Variants in OVGP1 observed in about 807,000 individuals in gnomAD.
OVGP1 encodes the protein oviductal glycoprotein 1.
Under a neutral mutation model 48.2 loss-of-function variants are expected in OVGP1, and 26 were observed. The ratio of observed to expected loss-of-function variants is 0.54; its 90% CI spans 0.40 to 0.75. OVGP1 has a LOEUF of 0.75. OVGP1 is among the 30% of genes least tolerant of loss of function. OVGP1 has a pLI of 0.00. For missense variants in OVGP1, 791 were observed against 820.6 expected, an observed-to-expected ratio of 0.96 and a Z score of 0.44; for synonymous variants, 294 against 305.7, an observed-to-expected ratio of 0.96 and a Z score of 0.40.
chr1:111,423,760 C>A lies in OVGP1; in HGVS notation c.318-52G>T. 3 of 1,562,604 alleles carry A rather than the reference C, an allele frequency of 1.9e-6. No homozygotes were observed. The South Asian group carries it at 3.5e-5, about 18-fold the overall frequency. On this transcript the variant is annotated intron_variant, in intron 4 of 10. Transcript: ENST00000369732. ...AGAACTCTATCCACAGAATCACAAC[C>A]TCCTACAAGGCCCCTTGCAAGCTTG...
At chr1:111,418,826 A>C (rs1056149193) in intron 9 of OVGP1, among the ~76,000 whole-genome samples, 1 of 152,214 alleles carries the variant, frequency 6.6e-6, no homozygotes, top group Non-Finnish European at 1.5e-5. Flanking sequence ...TGAGGAGTGG[A>C]ACCATGATTT....
In OVGP1 at chr1:111,426,649, G is replaced by C. The variant is rs767419668; in HGVS notation, c.56-8C>G. The C allele has an allele frequency of 6.2e-7, 1 of 1,612,734 alleles. No homozygotes were observed. Among genetic ancestry groups the C allele is most frequent in the Non-Finnish European group, 8.5e-7 (1 of 1,179,322 alleles). On this transcript the variant is annotated splice_region_variant and splice_polypyrimidine_tract_variant and intron_variant, in intron 2 of 10. Transcript: ENST00000369732. ...CGAGTTTATGGGCAGCACCTGGTAA[G>C]GGAGAGCACACATTAGTTGGCAAAA...
At chr1:111,424,062 G>A (rs1210307156) in intron 4 of OVGP1, among the ~76,000 whole-genome samples, 1 of 152,192 alleles carries the variant, frequency 6.6e-6, no homozygotes, top group African/African-American at 2.4e-5. Context: ...GCAAGGCACT[G>A]CCCCTCTCTG....
chr1:111,423,998 G>T (rs1461559419), intron 4 of OVGP1, among the ~76,000 whole-genome samples: 2 of 152,256 alleles, frequency 1.3e-5, no homozygotes, highest in South Asian at 4.1e-4. Context: ...GCAGCCTGGG[G>T]TGTGGAGAAA....
At position 111,425,791 on chromosome 1, in the gene OVGP1, T is replaced by G. The variant is rs906286871; in HGVS notation, c.261-352A>C. On this transcript the variant is annotated intron_variant, in intron 3 of 10. Coordinates refer to ENST00000369732, the MANE Select transcript of OVGP1 (RefSeq NM_002557.4). ...TTATTGAGCAATGTCTATGTGCCAT[T>G]TACTGCTTTAGGCACTTTAGAACAA... Among the ~76,000 whole-genome samples, 5 of 152,384 alleles carry G rather than the reference T, an allele frequency of 3.3e-5. No individual in the cohort carries two copies. The South Asian group carries it at 1.0e-3, about 32-fold the overall frequency.
chr1:111,423,563 T>C lies in OVGP1; in HGVS notation c.463A>G (p.Thr155Ala). ...LRGSPMHDRW[T>A]FLFLIEELLF... The stretch of plus-strand genomic sequence containing the variant: ...CTTACTTCAATTAAGAAGAGAAAAG[T>C]CCACCGGTCATGCATGGGGCTGCCT... The change falls in exon 5 of 11, where the codon ACT becomes GCT. Residue 155 changes from threonine (T) to alanine (A), a missense_variant. Thr to Ala is a moderately conservative substitution (Grantham distance 58). Coordinates refer to ENST00000369732, the MANE Select transcript of OVGP1 (RefSeq NM_002557.4). 6.2e-7 allele frequency: 1 copy of C among 1,614,068 alleles called. No individual in the cohort carries two copies. The highest frequency in any genetic ancestry group is 8.5e-7 in the Non-Finnish European group (1 of 1,179,998).
In OVGP1 at chr1:111,418,877, C is replaced by T. The variant is rs1487721058; in HGVS notation, c.1020+733G>A. 3.3e-5 allele frequency among the ~76,000 whole-genome samples: 5 copies of T among 152,278 alleles called. No homozygotes were observed. The East Asian group carries it at 9.6e-4, about 29-fold the overall frequency. ...CTCTCAGGTGATTCCAAAACAGAGG[C>T]AGGTTTAGGAACTACTGGAGCATGT... is the stretch of plus-strand genomic sequence containing the variant. On this transcript the variant is annotated intron_variant, in intron 9 of 10. Coordinates refer to ENST00000369732, the MANE Select transcript of OVGP1 (RefSeq NM_002557.4).
At chr1:111,425,274 T>G in intron 4 of OVGP1, 109 bp downstream of exon 4, 1 of 1,239,200 alleles carries the variant, frequency 8.1e-7, no homozygotes, top group Non-Finnish European at 1.1e-6. Flanking sequence ...GGGAAGTATT[T>G]GCGCTAGCTT....
At position 111,426,589 on chromosome 1, in the gene OVGP1, T is replaced by G. The variant is rs374246543; in HGVS notation, c.108A>C (p.Pro36=). The part of the protein sequence containing the change: ...CYFTNWAHSR[P]GPASILPHDL... Reference sequence around the variant, plus strand: ...CATGGGGCAAGATCGAGGCAGGGCCTGGCCGACTGTGTGCCCAGTTGGTGA... The same window carrying G: ...CATGGGGCAAGATCGAGGCAGGGCCGGGCCGACTGTGTGCCCAGTTGGTGA... Residue 36 remains proline (P), a synonymous_variant, in exon 3 of 11, where the codon CCA becomes CCC. Coordinates refer to ENST00000369732, the MANE Select transcript of OVGP1 (RefSeq NM_002557.4). 1.2e-6 allele frequency: 2 copies of G among 1,614,100 alleles called. No homozygotes were observed. Among genetic ancestry groups the G allele is most frequent in the Admixed American group, 1.7e-5 (1 of 60,018 alleles).
Position 111,414,930 on chromosome 1 carries a change from A to G in OVGP1, c.1571T>C (p.Leu524Pro), listed in dbSNP as rs764524139. ...YQSVTPGEKT[L>P]TPVGHQSVTP... ...CACAGACTGATGACCCACAGGGGTC[A>G]GGGTCTTTTCCCCAGGGGTCACAGA... Residue 524 changes from leucine to proline, a missense_variant, in exon 11 of 11, where the codon CTG becomes CCG. Coordinates refer to ENST00000369732, the MANE Select transcript of OVGP1 (RefSeq NM_002557.4). 1 of 800,408 alleles carries G rather than the reference A, an allele frequency of 1.2e-6. No homozygotes were observed. Among genetic ancestry groups the G allele is most frequent in the Admixed American group, 2.3e-5 (1 of 42,892 alleles). The allele number at this position is 800,408 out of a possible 1,614,324, so 49.6% of individuals were successfully genotyped here.
chr1:111,425,298 G>A, intron 4 of OVGP1, 85 bp downstream of exon 4: 5 of 1,523,492 alleles, frequency 3.3e-6, no homozygotes, highest in Admixed American at 1.8e-5. Context: ...TGTCCGCATG[G>A]CCAAGCTGCC....
Position 111,423,942 on chromosome 1 carries a change from C to T in OVGP1, c.318-234G>A, listed in dbSNP as rs116310528. Among the ~76,000 whole-genome samples, 630 of 152,314 alleles carry T rather than the reference C, an allele frequency of 4.1e-3. 3 individuals carry two copies. The highest frequency in any genetic ancestry group is 0.015 in the African/African-American group (606 of 41,558). On this transcript the variant is annotated intron_variant, in intron 4 of 10. Coordinates refer to ENST00000369732, the MANE Select transcript of OVGP1 (RefSeq NM_002557.4). ...AAAGAAGTTGAAAACCATGTACTGCCCCAAGGCCAGACGGCACAGGGAACA... is the reference window on the plus strand; with the variant it reads ...AAAGAAGTTGAAAACCATGTACTGCTCCAAGGCCAGACGGCACAGGGAACA...
In OVGP1 at chr1:111,416,456, T is replaced by C. The variant is rs1652139570; in HGVS notation, c.1023A>G (p.Ala341=). 6 of 1,602,486 alleles carry C rather than the reference T, an allele frequency of 3.7e-6. No individual in the cohort carries two copies. The highest frequency in any genetic ancestry group is 5.1e-6 in the Non-Finnish European group (6 of 1,174,060). The change falls in exon 10 of 11, where the codon GCA becomes GCG. Residue 341 remains alanine, a splice_region_variant and synonymous_variant. Transcript: ENST00000369732. ...CAAAATGCTCTCGCCTTATAAACCA[T>C]GCCTGTAAAAGTAACAGTCAGTCAA... The part of the protein sequence containing the change: ...YDNAISFSYK[A]WFIRREHFGG...
At chr1:111,419,423 G>C (rs1367583785) in intron 9 of OVGP1, among the ~76,000 whole-genome samples, 187 bp downstream of exon 9, 1 of 152,174 alleles carries the variant, frequency 6.6e-6, no homozygotes, top group East Asian at 1.9e-4. Flanking sequence ...TCAGAATAGA[G>C]ACTTGGAACA....
intron 9 of OVGP1, among the ~76,000 whole-genome samples, chr1:111,418,434 C>A (rs1652184768): frequency 6.6e-6 from 1 of 152,156 alleles, no homozygotes; most frequent in African/African-American, 2.4e-5. Flanking sequence ...CTCTCTCCGC[C>A]CCAGCAGGCC....
Position 111,414,491 on chromosome 1 carries a change from T to G in OVGP1, c.2010A>C (p.Glu670Asp). The change falls in exon 11 of 11, where the codon GAA (glutamate) becomes GAC (aspartate). Residue 670 changes from glutamate to aspartate, a missense_variant. Transcript: ENST00000369732. ...AGGCTTCTTCATCCACAGCAGAGTT[T>G]TCTGGGATTTCTTTTTTTAGAGAAA... ...SPLSLKKEIP[E>D]NSAVDEEA 6.2e-7 allele frequency: 1 copy of G among 1,613,226 alleles called. No homozygotes were observed. The highest frequency in any genetic ancestry group is 8.5e-7 in the Non-Finnish European group (1 of 1,179,478).
intron 2 of OVGP1, 48 bp downstream of exon 2, chr1:111,427,014 A>G (rs1652416685): frequency 6.2e-7 from 1 of 1,613,662 alleles, no homozygotes; most frequent in Non-Finnish European, 8.5e-7. Context: ...AGGACTTCTC[A>G]GCCAGAGACT....
chr1:111,426,309 A>T (rs1488303791), intron 3 of OVGP1, 128 bp downstream of exon 3: 1 of 1,313,424 alleles, frequency 7.6e-7, no homozygotes, highest in Non-Finnish European at 1.0e-6. Context: ...GGTGCTCTGG[A>T]CCCCTATTTG....
At chr1:111,426,691 G>A in intron 2 of OVGP1, 50 bp from the exon 3 acceptor site, 2 of 1,585,252 alleles carry the variant, frequency 1.3e-6, no homozygotes, top group Non-Finnish European at 1.7e-6. Flanking sequence ...GGAGGGGATG[G>A]AGCTCAGCTT....
Sources: gnomAD v4.1 joint callset for allele counts (sites outside exome capture counted in the v4.1 genomes callset) on GRCh38, gnomAD v4.1.1 for gene constraint, MANE v1.5 for transcripts, NCBI Gene and HGNC (gene_info 2026-07-23, HGNC 2026-07-21) for gene names.